The following LINGO2 variants were observed in gnomAD, a reference collection of about 807,000 sequenced individuals.
The protein encoded by LINGO2 is leucine-rich repeat and immunoglobulin-like domain-containing nogo receptor-interacting protein 2.
Under a neutral mutation model 30.6 loss-of-function variants are expected in LINGO2, and 14 were observed. That is an observed-to-expected ratio of 0.46 (90% CI 0.30 to 0.72). LINGO2 has a LOEUF of 0.72. Ranked by LOEUF, LINGO2 falls within the 30% of genes least tolerant of loss-of-function variation. The pLI, the probability that LINGO2 is intolerant of heterozygous loss-of-function variation, is 0.07. For synonymous variants in LINGO2, 317 were observed against 288.5 expected (o/e 1.10, Z -1.00); for missense variants, 729 against 751.7 (o/e 0.97, Z 0.35).
At chr9:29,154,325 C>CT in the LINGO2 span, among the ~76,000 whole-genome samples, 3 of 151,886 alleles carry the variant, frequency 2.0e-5, no homozygotes, top group Admixed American at 2.0e-4. Context: ...TGGCGGGCGC[C>CT]TGTAGTCCCA....
At chr9:29,083,122 A>G in the LINGO2 span, among the ~76,000 whole-genome samples, 1 of 152,174 alleles carries the variant, frequency 6.6e-6, no homozygotes, top group Non-Finnish European at 1.5e-5. Context: ...TGCTATAAAG[A>G]CACATGCACA....
chr9:28,440,663 T>C (rs1372501074), intron 2 of LINGO2, among the ~76,000 whole-genome samples: 1 of 152,188 alleles, frequency 6.6e-6, no homozygotes, highest in Non-Finnish European at 1.5e-5. Flanking sequence ...TAAAGGAATA[T>C]AAATATCTCA....
chr9:28,467,728 T>G (rs1825371290), intron 2 of LINGO2, among the ~76,000 whole-genome samples: 2 of 152,076 alleles, frequency 1.3e-5, no homozygotes, highest in Non-Finnish European at 2.9e-5. Context: ...GAAGCCTAAT[T>G]CAACACAGTG....
At chr9:28,883,467 A>G in the LINGO2 span, among the ~76,000 whole-genome samples, 1 of 151,632 alleles carries the variant, frequency 6.6e-6, no homozygotes, top group Non-Finnish European at 1.5e-5. Flanking sequence ...TTCGTCAGAT[A>G]TCAGATCAAA....
chr9:28,803,725 G>T, the LINGO2 span, among the ~76,000 whole-genome samples: 25 of 151,774 alleles, frequency 1.6e-4, no homozygotes, highest in Admixed American at 2.0e-4. Flanking sequence ...CCCTATAATA[G>T]CCATGTAAAA....
chr9:28,776,995 C>T, the LINGO2 span, among the ~76,000 whole-genome samples: 9 of 151,992 alleles, frequency 5.9e-5, no homozygotes, highest in South Asian at 2.1e-4. Context: ...TGAGTTCTCA[C>T]GAGATCTGGT....
chr9:28,949,171 G>A, the LINGO2 span, among the ~76,000 whole-genome samples: 514 of 151,924 alleles, frequency 3.4e-3, no homozygotes, highest in African/African-American at 0.011. Flanking sequence ...ATCTAAAACC[G>A]ACACCCTAAC....
the LINGO2 span, among the ~76,000 whole-genome samples, chr9:29,090,635 T>C: frequency 6.6e-6 from 1 of 152,138 alleles, no homozygotes; most frequent in Non-Finnish European, 1.5e-5. Context: ...ATTTTAGTAA[T>C]TATAATGAAG....
chr9:28,808,284 G>T, the LINGO2 span, among the ~76,000 whole-genome samples: 1 of 152,266 alleles, frequency 6.6e-6, no homozygotes, highest in Admixed American at 6.5e-5. Flanking sequence ...AGTGTACCTT[G>T]TTACAAAGAG....
chr9:28,909,129 AGACC>A, the LINGO2 span, among the ~76,000 whole-genome samples: 1 of 151,940 alleles, frequency 6.6e-6, no homozygotes, highest in Non-Finnish European at 1.5e-5. Flanking sequence ...ATCATTTCAA[AGACC>A]ATGTACCCGA....
the LINGO2 span, among the ~76,000 whole-genome samples, chr9:28,741,921 TG>T: frequency 6.6e-6 from 1 of 151,902 alleles, no homozygotes; most frequent in Non-Finnish European, 1.5e-5. Flanking sequence ...TGGGTCAGCC[TG>T]GTTAGCTAGG....
At chr9:28,992,188 A>AC in the LINGO2 span, among the ~76,000 whole-genome samples, 1 of 151,162 alleles carries the variant, frequency 6.6e-6, no homozygotes, top group African/African-American at 2.5e-5. Context: ...AAGCAAATGG[A>AC]AAACAAAAAA....
chr9:28,586,106 T>C (rs959119838), intron 1 of LINGO2, among the ~76,000 whole-genome samples: 1 of 151,916 alleles, frequency 6.6e-6, no homozygotes, highest in Non-Finnish European at 1.5e-5. Flanking sequence ...TTTTAGAAAA[T>C]GGATTTAGAA....
chr9:28,668,442 A>G (rs1828885285), intron 1 of LINGO2, among the ~76,000 whole-genome samples: 1 of 152,074 alleles, frequency 6.6e-6, no homozygotes, highest in African/African-American at 2.4e-5. Context: ...AAATTTGCAT[A>G]TGGATTTGAT....
At chr9:28,865,479 G>T in the LINGO2 span, among the ~76,000 whole-genome samples, 10 of 151,972 alleles carry the variant, frequency 6.6e-5, no homozygotes, top group Non-Finnish European at 1.5e-4. Flanking sequence ...AGTTTGACAT[G>T]GGTTTAAAAA....
the LINGO2 span, among the ~76,000 whole-genome samples, chr9:29,050,255 C>T: frequency 2.6e-5 from 4 of 152,114 alleles, no homozygotes; most frequent in African/African-American, 9.7e-5. Flanking sequence ...AAACTCCTGA[C>T]CTCAAGTGAT....
intron 4 of LINGO2, among the ~76,000 whole-genome samples, chr9:28,024,892 G>C (rs1052453064): frequency 6.6e-6 from 1 of 152,178 alleles, no homozygotes; most frequent in African/African-American, 2.4e-5. Context: ...GTCCTTACTA[G>C]AGAGTAGGGG....
intron 4 of LINGO2, among the ~76,000 whole-genome samples, chr9:28,142,873 G>C (rs1182012342): frequency 6.6e-6 from 1 of 152,174 alleles, no homozygotes; most frequent in Admixed American, 6.5e-5. Context: ...CCTAGCTGGA[G>C]TGGGTATACT....
intron 1 of LINGO2, among the ~76,000 whole-genome samples, chr9:28,638,184 G>A (rs1693882449): frequency 6.6e-6 from 1 of 152,156 alleles, no homozygotes; most frequent in South Asian, 2.1e-4. Context: ...CTGGATTATG[G>A]TGGATAAGTT....
Sources: gnomAD v4.1 joint callset for allele counts (sites outside exome capture counted in the v4.1 genomes callset) on GRCh38, gnomAD v4.1.1 for gene constraint, MANE v1.5 for transcripts, NCBI Gene and HGNC (gene_info 2026-07-23, HGNC 2026-07-21) for gene names.